Variants in GRIK3 observed in about 807,000 individuals in gnomAD.
GRIK3 encodes the protein glutamate ionotropic receptor kainate type subunit 3.
GRIK3 carries 29 observed loss-of-function variants against 102.5 expected under a neutral mutation model. The observed-to-expected ratio is 0.28, with a 90% confidence interval of 0.21 to 0.39. The LOEUF is 0.39. Ranked by LOEUF, GRIK3 falls within the 10% of genes least tolerant of loss-of-function variation. GRIK3 has a pLI of 1.00. For missense variants in GRIK3, 908 were observed against 1,252.4 expected (o/e 0.73, Z 4.15); for synonymous variants, 511 against 504.9 (o/e 1.01, Z -0.16).
rs370425893 is a variant in GRIK3 at position 36,797,494 on chromosome 1, G to T, written c.*4357C>A. 6.6e-6 allele frequency: 1 copy of T among 152,062 alleles called. No homozygotes were observed. Among genetic ancestry groups the T allele is most frequent in the African/African-American group, 2.4e-5 (1 of 41,380 alleles). The allele number at this position is 152,062 out of a possible 1,614,324, so 9.4% of individuals were successfully genotyped here. ...GGCCCTTCCATGGCAGCCAGCAGCCGGGCCACTTCCAGATGTGTCCACTTG... is the reference window on the plus strand; with the variant it reads ...GGCCCTTCCATGGCAGCCAGCAGCCTGGCCACTTCCAGATGTGTCCACTTG... On this transcript the variant is annotated 3_prime_UTR_variant, in exon 16 of 16. Coordinates refer to ENST00000373091, the MANE Select transcript of GRIK3 (RefSeq NM_000831.4).
At chr1:37,032,526 C>G (rs1642839674) in intron 1 of GRIK3, among the ~76,000 whole-genome samples, 1 of 152,064 alleles carries the variant, frequency 6.6e-6, no homozygotes, top group Admixed American at 6.5e-5. Flanking sequence ...GGAATGGTGC[C>G]AGGCTGGGCT....
chr1:36,967,093 A>G (rs571952982), intron 1 of GRIK3, among the ~76,000 whole-genome samples: 56 of 152,336 alleles, frequency 3.7e-4, no homozygotes, highest in African/African-American at 1.3e-3. Flanking sequence ...CACAGTTAGC[A>G]AAAGGAGGGG....
chr1:36,908,456 G>A (rs1013009031), intron 1 of GRIK3, among the ~76,000 whole-genome samples: 2 of 152,152 alleles, frequency 1.3e-5, no homozygotes, highest in Admixed American at 1.3e-4. Context: ...TGATTGTCCT[G>A]GGTTCTGATC....
intron 1 of GRIK3, among the ~76,000 whole-genome samples, chr1:36,957,444 G>GCCTGTGTGCCCCATGAC (rs1641928156): frequency 7.1e-5 from 2 of 28,062 alleles, no homozygotes; most frequent in African/African-American, 1.4e-4. Context: ...TGCTCTGTGA[G>GCCTGTGTGCCCCATGAC]TCTGTGCCCT....
At chr1:36,842,881 G>C (rs1277372216) in intron 9 of GRIK3, among the ~76,000 whole-genome samples, 1 of 152,166 alleles carries the variant, frequency 6.6e-6, no homozygotes, top group Non-Finnish European at 1.5e-5. Flanking sequence ...TGACCCCAGA[G>C]TGCGAGTTCT....
intron 13 of GRIK3, among the ~76,000 whole-genome samples, chr1:36,814,363 GC>G (rs34566120): frequency 6.6e-6 from 1 of 152,108 alleles, no homozygotes; most frequent in African/African-American, 2.4e-5. Flanking sequence ...CTGGGCCACA[GC>G]CTGGGGATAG....
In GRIK3 at chr1:36,804,200, G is replaced by A. The variant is rs76535412; in HGVS notation, c.2565+787C>T. On this transcript the variant is annotated intron_variant, in intron 15 of 15. Transcript: ENST00000373091. ...GATATGTAAGTTGCTTGTTTATAAT[G>A]GGCCCTTCTATATATAATTTAACTG... Among the ~76,000 whole-genome samples, 490 of 152,216 alleles carry A rather than the reference G, an allele frequency of 3.2e-3. 3 individuals are homozygous for A. The highest frequency in any genetic ancestry group is 0.02 in the Middle Eastern group (6 of 294).
intron 1 of GRIK3, among the ~76,000 whole-genome samples, chr1:36,979,800 A>T (rs1295213827): frequency 2.0e-5 from 3 of 152,198 alleles, no homozygotes; most frequent in Non-Finnish European, 4.4e-5. Context: ...ATTGCAGAGG[A>T]TGTGGATGGA....
intron 5 of GRIK3, among the ~76,000 whole-genome samples, chr1:36,861,347 C>G (rs979458009): frequency 6.6e-6 from 1 of 152,342 alleles, no homozygotes; most frequent in African/African-American, 2.4e-5. Flanking sequence ...TCCTCGTCTA[C>G]TGTCTATACT....
intron 1 of GRIK3, among the ~76,000 whole-genome samples, chr1:37,022,871 G>A (rs1482281404): frequency 6.6e-6 from 1 of 152,228 alleles, no homozygotes; most frequent in Admixed American, 6.5e-5. Flanking sequence ...TACTGGTACA[G>A]CACTTATCTC....
rs182921211 is a variant in GRIK3, at chr1:36,969,796, C to T, written c.115+64198G>A. On this transcript the variant is annotated intron_variant, in intron 1 of 15. Coordinates refer to ENST00000373091, the MANE Select transcript of GRIK3 (RefSeq NM_000831.4). ...GGCCATAACACACATCTTCTCAAAGCCAGCTGGGCACAACACACCCAGAAA... is the reference window on the plus strand; with the variant it reads ...GGCCATAACACACATCTTCTCAAAGTCAGCTGGGCACAACACACCCAGAAA... Among the ~76,000 whole-genome samples, 325 of 152,348 alleles carry T rather than the reference C, an allele frequency of 2.1e-3. 1 individual carries two copies. The highest frequency in any genetic ancestry group is 6.5e-3 in the African/African-American group (271 of 41,576).
intron 10 of GRIK3, among the ~76,000 whole-genome samples, chr1:36,830,839 A>G (rs928701165): frequency 1.3e-5 from 2 of 150,650 alleles, no homozygotes; most frequent in African/African-American, 4.9e-5. Flanking sequence ...AAAAAAAAGA[A>G]AAGAGGATGC....
In GRIK3 at chr1:36,801,210, C is replaced by G. The variant is rs1434809712; in HGVS notation, c.*641G>C. 2.0e-5 allele frequency: 3 copies of G among 152,388 alleles called. No individual in the cohort carries two copies. The highest frequency in any genetic ancestry group is 7.2e-5 in the African/African-American group (3 of 41,474). The allele number at this position is 152,388 out of a possible 1,614,324, so 9.4% of individuals were successfully genotyped here. ...GGCCTCTGTTTGTGCATTCTCTTCT[C>G]TCCCATACCCCAAACTCCTCTTTTC... is the stretch of plus-strand genomic sequence containing the variant. On this transcript the variant is annotated 3_prime_UTR_variant, in exon 16 of 16. Coordinates refer to ENST00000373091, the MANE Select transcript of GRIK3 (RefSeq NM_000831.4).
chr1:36,838,860 G>C (rs948340914), intron 10 of GRIK3, among the ~76,000 whole-genome samples: 1 of 152,192 alleles, frequency 6.6e-6, no homozygotes, highest in African/African-American at 2.4e-5. Flanking sequence ...CACCAAGCTA[G>C]GATTAATAGG....
Position 36,859,268 on chromosome 1 carries a change from G to A in GRIK3, c.961-17C>T. The A allele has an allele frequency of 6.3e-7, 1 of 1,590,598 alleles. No individual in the cohort carries two copies. Among genetic ancestry groups the A allele is most frequent in the Non-Finnish European group, 8.6e-7 (1 of 1,163,120 alleles). On this transcript the variant is annotated splice_polypyrimidine_tract_variant and intron_variant, in intron 6 of 15. Transcript: ENST00000373091. ...TGCATCAGTCTGCAGGGAAGGGCCT[G>A]CCTGAGAGCGGCTCCCAAGGCCCTC...
At chr1:36,823,120 G>A (rs1396310916) in intron 11 of GRIK3, among the ~76,000 whole-genome samples, 1 of 152,150 alleles carries the variant, frequency 6.6e-6, no homozygotes, top group Non-Finnish European at 1.5e-5. Flanking sequence ...CACCAGGAGT[G>A]AAGGGGAGAT....
intron 1 of GRIK3, among the ~76,000 whole-genome samples, chr1:36,953,195 C>T (rs1641865601): frequency 6.6e-6 from 1 of 152,336 alleles, no homozygotes; most frequent in African/African-American, 2.4e-5. Context: ...TGCCCCTCCC[C>T]CTGCCCCTGC....
At position 36,800,720 on chromosome 1, in the gene GRIK3, C is replaced by G. The variant is rs1642431747; in HGVS notation, c.*1131G>C. ...AGGAGACCAGAAGTTCTTTTGGTCTCTTCTGGTTTCCCTCACCTAGCCCAA... is the reference window on the plus strand; with the variant it reads ...AGGAGACCAGAAGTTCTTTTGGTCTGTTCTGGTTTCCCTCACCTAGCCCAA... On this transcript the variant is annotated 3_prime_UTR_variant, in exon 16 of 16. Transcript: ENST00000373091. 6.6e-6 allele frequency: 1 copy of G among 152,232 alleles called. No individual in the cohort carries two copies. The highest frequency in any genetic ancestry group is 2.4e-5 in the African/African-American group (1 of 41,456). The allele number at this position is 152,232 out of a possible 1,614,324, so 9.4% of individuals were successfully genotyped here.
intron 1 of GRIK3, among the ~76,000 whole-genome samples, chr1:36,937,120 G>T (rs1641668147): frequency 6.6e-6 from 1 of 152,186 alleles, no homozygotes; most frequent in South Asian, 2.1e-4. Context: ...ACAGCCAGAA[G>T]GATGGCACTG....
Sources: gnomAD v4.1 joint callset for allele counts (sites outside exome capture counted in the v4.1 genomes callset) on GRCh38, gnomAD v4.1.1 for gene constraint, MANE v1.5 for transcripts, NCBI Gene and HGNC (gene_info 2026-07-23, HGNC 2026-07-21) for gene names.